Variants in MAN1C1 observed in about 807,000 individuals in gnomAD.
MAN1C1 encodes the protein mannosyl-oligosaccharide 1,2-alpha-mannosidase IC.
In MAN1C1, 49 loss-of-function variants were observed where a neutral mutation model predicts 71.5. The ratio of observed to expected loss-of-function variants is 0.69; its 90% CI spans 0.54 to 0.87. MAN1C1 has a LOEUF of 0.87. Among genes scored for constraint, MAN1C1 ranks in the 40% least tolerant of loss-of-function variants. The probability of loss-of-function intolerance (pLI) is 0.00; values close to 1 mark genes in which losing one functional copy is unlikely to be tolerated. For missense variants in MAN1C1, 743 were observed against 835.0 expected (o/e 0.89, Z 1.36); for synonymous variants, 352 against 343.7 (o/e 1.02, Z -0.27).
At chr1:25,771,836 AGC>A in intron 8 of MAN1C1, 64 bp downstream of exon 8, 6 of 1,360,322 alleles carry the variant, frequency 4.4e-6, no homozygotes, top group Non-Finnish European at 6.3e-6. Context: ...CTCACGGCCG[AGC>A]GAGGGTGCTG....
At position 25,779,127 on chromosome 1, in the gene MAN1C1, C is replaced by T. The variant is rs1450707800; in HGVS notation, c.1477+803C>T. On this transcript the variant is annotated intron_variant, in intron 9 of 11. Coordinates refer to ENST00000374332, the MANE Select transcript of MAN1C1 (RefSeq NM_020379.4). This position sits in a 1 kb window ranked among gnomAD's most constrained non-coding sequence, Gnocchi z 4.6. ...CGCCCACCGCTCTGAGTGGTAATCC[C>T]AGTGTTGGTTGGAGGGGACGACCCA... Among the ~76,000 whole-genome samples, 1 of 152,144 alleles carries T rather than the reference C, an allele frequency of 6.6e-6. No homozygotes were observed. Among genetic ancestry groups the T allele is most frequent in the Non-Finnish European group, 1.5e-5 (1 of 68,024 alleles).
rs749350105 is a variant in MAN1C1, at chr1:25,778,198, C to A, written c.1351C>A (p.Leu451Met). The A allele has an allele frequency of 6.2e-7, 1 of 1,613,770 alleles. No homozygotes were observed. The highest frequency in any genetic ancestry group is 8.5e-7 in the Non-Finnish European group (1 of 1,179,802). The change falls in exon 9 of 12, where the codon CTG (leucine) becomes ATG (methionine). Residue 451 changes from leucine to methionine, a missense_variant. Physicochemically the swap from Leu to Met is conservative, Grantham distance 15. Coordinates refer to ENST00000374332, the MANE Select transcript of MAN1C1 (RefSeq NM_020379.4). The surrounding 1 kb of genome is among the most constrained non-coding windows in gnomAD (Gnocchi z 5.5). ...GGILDHKMGH[L>M]ACFSGGMIAL... The stretch of plus-strand genomic sequence containing the variant: ...GATTCTGGACCACAAGATGGGGCAC[C>A]TGGCCTGTTTCTCCGGGGGCATGAT...
chr1:25,728,572 C>G (rs1373034622), intron 2 of MAN1C1, among the ~76,000 whole-genome samples: 2 of 152,168 alleles, frequency 1.3e-5, no homozygotes, highest in Non-Finnish European at 2.9e-5. Context: ...GGGGAGAGCT[C>G]TGTTCCCTCT....
chr1:25,644,575 G>C (rs2045588085), intron 1 of MAN1C1: 1 of 134,312 alleles, frequency 7.4e-6, no homozygotes, highest in Non-Finnish European at 1.5e-5. Flanking sequence ...ACCCAGGCTG[G>C]AGTACAGTGG....
At chr1:25,732,336 G>A (rs1395597197) in intron 2 of MAN1C1, among the ~76,000 whole-genome samples, 1 of 152,192 alleles carries the variant, frequency 6.6e-6, no homozygotes, top group African/African-American at 2.4e-5. Context: ...GGAATGGAAT[G>A]GCACAGCAGT....
chr1:25,708,324 G>C (rs1007976400), intron 2 of MAN1C1, among the ~76,000 whole-genome samples: 1 of 152,190 alleles, frequency 6.6e-6, no homozygotes, highest in African/African-American at 2.4e-5. Context: ...AAATAGTCAT[G>C]GCGCTGGTGG....
At chr1:25,707,966 T>G (rs1390922319) in intron 2 of MAN1C1, among the ~76,000 whole-genome samples, 1 of 152,286 alleles carries the variant, frequency 6.6e-6, no homozygotes, top group African/African-American at 2.4e-5. Flanking sequence ...ATGAACTGGC[T>G]GTAGGAGAGC....
chr1:25,749,635 T>C (rs1184570879), intron 4 of MAN1C1, among the ~76,000 whole-genome samples: 1 of 152,170 alleles, frequency 6.6e-6, no homozygotes, highest in Non-Finnish European at 1.5e-5. Flanking sequence ...TCCTTTACTC[T>C]CTGATCCCTC....
At position 25,746,795 on chromosome 1, in the gene MAN1C1, G is replaced by A. The variant is rs2047134841; in HGVS notation, c.753+12G>A. On this transcript the variant is annotated intron_variant, in intron 3 of 11. Coordinates refer to ENST00000374332, the MANE Select transcript of MAN1C1 (RefSeq NM_020379.4). The surrounding 1 kb of genome is among the most constrained non-coding windows in gnomAD (Gnocchi z 4.0). The stretch of plus-strand genomic sequence containing the variant: ...TCCACCTGAACGTGGTGAGTCAGAG[G>A]CCCTCGGCGGGGGAGGGGGGCGGGG... 1 of 505,198 alleles carries A rather than the reference G, an allele frequency of 2.0e-6. No homozygotes were observed. The highest frequency in any genetic ancestry group is 3.7e-6 in the Non-Finnish European group (1 of 272,002). The allele number at this position is 505,198 out of a possible 1,614,324, so 31.3% of individuals were successfully genotyped here. A position where few individuals can be genotyped will look rare whatever the true frequency, so the allele number is the denominator to read the frequency against.
chr1:25,752,085 T>C (rs1447083243), intron 4 of MAN1C1, among the ~76,000 whole-genome samples: 1 of 152,198 alleles, frequency 6.6e-6, no homozygotes, highest in African/African-American at 2.4e-5. Context: ...GGAGACCCCC[T>C]GCTGGGTAGG....
At chr1:25,643,662 A>C (rs868443489) in intron 1 of MAN1C1, among the ~76,000 whole-genome samples, 1 of 143,008 alleles carries the variant, frequency 7.0e-6, no homozygotes. Context: ...CCGCCACCCC[A>C]CCCAGCTAAT....
chr1:25,763,637 G>T, intron 6 of MAN1C1: 1 of 524,382 alleles, frequency 1.9e-6, no homozygotes, highest in East Asian at 3.4e-5. Context: ...GCCAGGCAGA[G>T]CAGTCAGTGG....
chr1:25,644,966 G>A (rs1005421464), intron 1 of MAN1C1: 8 of 152,220 alleles, frequency 5.3e-5, no homozygotes, highest in African/African-American at 1.7e-4. Flanking sequence ...ACCAGAGGTT[G>A]GGGGAGAAGG....
At chr1:25,664,111 T>C (rs2045887697) in intron 1 of MAN1C1, among the ~76,000 whole-genome samples, 1 of 152,112 alleles carries the variant, frequency 6.6e-6, no homozygotes, top group South Asian at 2.1e-4. Flanking sequence ...TTATTCTGGG[T>C]AGAGGGGCCC....
Position 25,735,407 on chromosome 1 carries a change from A to C in MAN1C1, c.638-11261A>C, listed in dbSNP as rs1290061815. ...GCACTCCATCCTGTGTGACAGAGCG[A>C]GACTGTGTCTCAAAATGTGTATGTA... On this transcript the variant is annotated intron_variant, in intron 2 of 11. Coordinates refer to ENST00000374332, the MANE Select transcript of MAN1C1 (RefSeq NM_020379.4). This position sits in a 1 kb window ranked among gnomAD's most constrained non-coding sequence, Gnocchi z 4.6. Among the ~76,000 whole-genome samples the C allele has an allele frequency of 6.6e-6, 1 of 152,210 alleles. No homozygotes were observed. The highest frequency in any genetic ancestry group is 6.5e-5 in the Admixed American group (1 of 15,278).
At position 25,618,026 on chromosome 1, in the gene MAN1C1, G is replaced by T; in HGVS notation, c.229G>T (p.Glu77Ter). 1 of 1,595,528 alleles carries T rather than the reference G, an allele frequency of 6.3e-7. No individual in the cohort carries two copies. The highest frequency in any genetic ancestry group is 8.5e-7 in the Non-Finnish European group (1 of 1,173,844). Residue 77 changes from glutamate to a stop codon, truncating the protein, a stop_gained, in exon 1 of 12, where the codon GAG becomes TAG. Coordinates refer to ENST00000374332, the MANE Select transcript of MAN1C1 (RefSeq NM_020379.4). LOFTEE classifies it high-confidence loss of function. ...AEIAGHAPAR[E>*]QEPPPNPAPA... is the part of the protein sequence containing the mutation. ...AATCGCCGGCCATGCCCCGGCCCGC[G>T]AGCAGGAGCCGCCTCCCAACCCGGC...
At chr1:25,689,295 C>G (rs925189700) in intron 2 of MAN1C1, among the ~76,000 whole-genome samples, 1 of 152,190 alleles carries the variant, frequency 6.6e-6, no homozygotes, top group African/African-American at 2.4e-5. Context: ...ATGGGCAGTC[C>G]TTACGGGCTG....
intron 2 of MAN1C1, among the ~76,000 whole-genome samples, chr1:25,686,807 T>C (rs2124179270): frequency 6.6e-6 from 1 of 152,198 alleles, no homozygotes; most frequent in African/African-American, 2.4e-5. Context: ...AACTTGGAAA[T>C]GGGAGTAGGG....
chr1:25,775,236 G>A lies in MAN1C1; in HGVS notation c.1258-2869G>A, dbSNP rs373057123. ...GCTTAGTGACGCCGAGCAGCTGCCAGGGACATGGCTCTGCCCGGGAGCCAG... is the reference window on the plus strand; with the variant it reads ...GCTTAGTGACGCCGAGCAGCTGCCAAGGACATGGCTCTGCCCGGGAGCCAG... On this transcript the variant is annotated intron_variant, in intron 8 of 11. Coordinates refer to ENST00000374332, the MANE Select transcript of MAN1C1 (RefSeq NM_020379.4). The surrounding 1 kb of genome is among the most constrained non-coding windows in gnomAD (Gnocchi z 5.1). Among the ~76,000 whole-genome samples, 156 of 152,364 alleles carry A rather than the reference G, an allele frequency of 1.0e-3. 3 individuals carry two copies. The highest frequency in any genetic ancestry group is 3.5e-3 in the African/African-American group (145 of 41,588).
Sources: gnomAD v4.1 joint callset for allele counts (sites outside exome capture counted in the v4.1 genomes callset) on GRCh38, gnomAD v4.1.1 for gene constraint, Gnocchi (gnomAD v3.1) non-coding constraint, MANE v1.5 for transcripts, NCBI Gene and HGNC (gene_info 2026-07-23, HGNC 2026-07-21) for gene names.